EPM2A: variants seen among roughly 807,000 people sequenced by gnomAD.
The protein encoded by EPM2A is laforin.
In EPM2A, 21 loss-of-function variants were observed where a neutral mutation model predicts 26.5. The ratio of observed to expected loss-of-function variants is 0.79; its 90% CI spans 0.56 to 1.14. The LOEUF (loss-of-function observed/expected upper bound fraction) is 1.14. EPM2A is among the 50% of genes most tolerant of loss of function. The pLI is 0.00. For synonymous variants in EPM2A, 217 were observed against 177.6 expected, an observed-to-expected ratio of 1.22 and a Z score of -1.76; for missense variants, 458 against 440.8, an observed-to-expected ratio of 1.04 and a Z score of -0.35.
At chr6:145,618,822 G>A (rs1002452304) in intron 2 of EPM2A, among the ~76,000 whole-genome samples, 23 of 152,104 alleles carry the variant, frequency 1.5e-4, no homozygotes, top group Non-Finnish European at 4.4e-5. Flanking sequence ...TGAGAAAAAC[G>A]AGGAGCCATT....
chr6:145,731,696 A>T (rs546686862), intron 1 of EPM2A, among the ~76,000 whole-genome samples: 3 of 152,206 alleles, frequency 2.0e-5, no homozygotes. Flanking sequence ...TGGCACATGT[A>T]TAATACTTAT....
intron 4 of EPM2A, among the ~76,000 whole-genome samples, chr6:145,388,991 T>C (rs1778301314): frequency 6.6e-6 from 1 of 152,152 alleles, no homozygotes; most frequent in Admixed American, 6.5e-5. Context: ...CATGTGTCTT[T>C]ATAGTAGAAT....
chr6:145,681,009 C>A (rs1156374501), intron 2 of EPM2A, among the ~76,000 whole-genome samples: 1 of 151,994 alleles, frequency 6.6e-6, no homozygotes, highest in East Asian at 1.9e-4. Flanking sequence ...GTCCCACCAA[C>A]AGTGTAAAAG....
chr6:145,533,585 C>G (rs886399844), intron 2 of EPM2A, among the ~76,000 whole-genome samples: 4 of 152,192 alleles, frequency 2.6e-5, no homozygotes, highest in African/African-American at 9.7e-5. Flanking sequence ...TTTAATATCT[C>G]AAATGCATGA....
chr6:145,645,891 C>A (rs772430225), intron 2 of EPM2A, among the ~76,000 whole-genome samples: 1 of 152,112 alleles, frequency 6.6e-6, no homozygotes, highest in Non-Finnish European at 1.5e-5. Context: ...GCCACTGTGC[C>A]CGGCCCTGGC....
At chr6:145,640,275 G>A (rs747166234) in intron 2 of EPM2A, 3 of 152,200 alleles carry the variant, frequency 2.0e-5, no homozygotes, top group Admixed American at 6.5e-5. Flanking sequence ...GGTATTGGGA[G>A]ACAAGTCCAT....
At chr6:145,397,609 C>A (rs1398377264) in intron 4 of EPM2A, among the ~76,000 whole-genome samples, 1 of 152,164 alleles carries the variant, frequency 6.6e-6, no homozygotes, top group Admixed American at 6.6e-5. Flanking sequence ...AATCTTTTTA[C>A]AGCTTCCAGT....
At chr6:145,647,132 T>C (rs1777533641) in intron 2 of EPM2A, among the ~76,000 whole-genome samples, 1 of 152,218 alleles carries the variant, frequency 6.6e-6, no homozygotes, top group African/African-American at 2.4e-5. Flanking sequence ...ATAAAGCATG[T>C]GAAACCCACT....
intron 4 of EPM2A, among the ~76,000 whole-genome samples, chr6:145,451,651 ATG>A (rs1779196762): frequency 6.6e-6 from 1 of 152,256 alleles, no homozygotes; most frequent in Non-Finnish European, 1.5e-5. Context: ...GAATTGTAAA[ATG>A]TAAATCAATA....
In EPM2A at chr6:145,502,707, C is replaced by T. The variant is rs141261821; in HGVS notation, c.341-132G>A. ...TGACTATTTCCTATCATGTAATATACATAGTATTTAGCAAATTAGAAGTGC... is the reference window on the plus strand; with the variant it reads ...TGACTATTTCCTATCATGTAATATATATAGTATTTAGCAAATTAGAAGTGC... On this transcript the variant is annotated intron_variant, in intron 2 of 3. Coordinates refer to the EPM2A transcript ENST00000450221. 272 of 367,684 alleles carry T rather than the reference C, an allele frequency of 7.4e-4. 1 individual carries two copies. The highest frequency in any genetic ancestry group is 5.0e-3 in the African/African-American group (238 of 47,302). The allele number at this position is 367,684 out of a possible 1,614,324, so 22.8% of individuals were successfully genotyped here. A position where few individuals can be genotyped will look rare whatever the true frequency, so the allele number is the denominator to read the frequency against.
intron 2 of EPM2A, among the ~76,000 whole-genome samples, chr6:145,617,392 G>A (rs1775537394): frequency 6.6e-6 from 1 of 152,066 alleles, no homozygotes; most frequent in Admixed American, 6.5e-5. Flanking sequence ...TTTATCAGCA[G>A]CATGAACACA....
At chr6:145,438,469 A>ATTTTTTTTTTTTTTTTTTTTTTT (rs68038397) in intron 4 of EPM2A, among the ~76,000 whole-genome samples, 2 of 117,214 alleles carry the variant, frequency 1.7e-5, no homozygotes, top group African/African-American at 6.1e-5. Flanking sequence ...GAAGGGAATA[A>ATTTTTTTTTTTTTTTTTTTTTTT]TTTTTTTTTT....
chr6:145,705,873 G>A (rs188139174), intron 1 of EPM2A: 60 of 456,516 alleles, frequency 1.3e-4, no homozygotes, highest in East Asian at 9.0e-4. Flanking sequence ...AACAGTAATC[G>A]CCTGCCATGC....
intron 2 of EPM2A, among the ~76,000 whole-genome samples, chr6:145,662,106 T>C (rs1209992326): frequency 6.6e-6 from 1 of 152,210 alleles, no homozygotes; most frequent in Non-Finnish European, 1.5e-5. Context: ...ACAGAATAGC[T>C]GAATGAAAAC....
chr6:145,639,166 A>G (rs565747454), intron 2 of EPM2A: 4 of 152,348 alleles, frequency 2.6e-5, no homozygotes, highest in Middle Eastern at 3.4e-3. Flanking sequence ...ATAGCTTACA[A>G]TTATAAGTTA....
chr6:145,614,563 T>G (rs1260312126), intron 2 of EPM2A, among the ~76,000 whole-genome samples: 1 of 152,244 alleles, frequency 6.6e-6, no homozygotes, highest in Non-Finnish European at 1.5e-5. Flanking sequence ...GACATGCAAC[T>G]CTTCATCTCA....
chr6:145,572,670 C>T (rs1244445973), intron 2 of EPM2A, among the ~76,000 whole-genome samples: 2 of 152,120 alleles, frequency 1.3e-5, no homozygotes, highest in Admixed American at 6.6e-5. Flanking sequence ...GCCCCTGCTG[C>T]GATTCACCTA....
chr6:145,488,639 A>G (rs542720052), intron 4 of EPM2A, among the ~76,000 whole-genome samples: 7 of 152,040 alleles, frequency 4.6e-5, no homozygotes, highest in Non-Finnish European at 8.8e-5. Flanking sequence ...TATGGCTTTA[A>G]AAGTTATAGC....
chr6:145,534,363 A>G (rs1198015219), intron 2 of EPM2A, among the ~76,000 whole-genome samples: 1 of 152,256 alleles, frequency 6.6e-6, no homozygotes, highest in Non-Finnish European at 1.5e-5. Flanking sequence ...AAAGAAGTTC[A>G]AGACAATTCA....
Sources: allele counts gnomAD v4.1 joint callset (sites outside exome capture counted in the v4.1 genomes callset), GRCh38; gene constraint gnomAD v4.1.1; transcripts MANE v1.5; gene names NCBI Gene and HGNC (gene_info 2026-07-23, HGNC 2026-07-21).